RPS25: variants seen among roughly 807,000 people sequenced by gnomAD.
The protein encoded by RPS25 is small ribosomal subunit protein eS25.
Under a neutral mutation model 14.4 loss-of-function variants are expected in RPS25, and 1 was observed. That is an observed-to-expected ratio of 0.07 (90% CI 0.02 to 0.33). RPS25 has a LOEUF of 0.33. Ranked by LOEUF, RPS25 falls within the 10% of genes least tolerant of loss-of-function variation. The probability of loss-of-function intolerance (pLI) is 1.00; values close to 1 mark genes in which losing one functional copy is unlikely to be tolerated. For synonymous variants in RPS25, 63 were observed against 53.8 expected (o/e 1.17, Z -0.75); for missense variants, 65 against 144.6 (o/e 0.45, Z 2.82).
Position 119,017,907 on chromosome 11 carries a change from G to A in RPS25, c.99+51C>T, listed in dbSNP as rs138643668. 6.2e-4 allele frequency: 880 copies of A among 1,416,662 alleles called. 5 individuals are homozygous for A. In the African/African-American group the frequency reaches 9.4e-3, roughly 15 times the overall value. 87.8% of individuals were successfully genotyped at this position (1,416,662 alleles called of 1,614,324 possible). ...ACTATACAAGTTACCTATTACTAGA[G>A]GATTACGAGAGAGTTACCCCTAGTC... is the stretch of plus-strand genomic sequence containing the variant. On this transcript the variant is annotated intron_variant, in intron 2 of 4. Transcript: ENST00000527673.
At chr11:119,016,951 T>C (rs1188910965) in intron 3 of RPS25, among the ~76,000 whole-genome samples, 2 of 152,234 alleles carry the variant, frequency 1.3e-5, no homozygotes, top group Admixed American at 1.3e-4. Flanking sequence ...ATTATGGTAA[T>C]CAGACCATAC....
At position 119,018,343 on chromosome 11, in the gene RPS25, G is replaced by A. The variant is rs552955250; in HGVS notation, c.-59C>T. The A allele has an allele frequency of 1.4e-4, 229 of 1,613,162 alleles. No homozygotes were observed. The Middle Eastern group carries it at 5.0e-3, about 35-fold the overall frequency. ...GCCTCGTCAAGATGTCGGACAAAAAGGAAGCGCTGCTCAGAAACGGGCCCA... is the reference window on the plus strand; with the variant it reads ...GCCTCGTCAAGATGTCGGACAAAAAAGAAGCGCTGCTCAGAAACGGGCCCA... On this transcript the variant is annotated 5_prime_UTR_variant, in exon 1 of 5. Coordinates refer to ENST00000527673, the MANE Select transcript of RPS25 (RefSeq NM_001028.3).
rs191267539 is a variant in RPS25, at chr11:119,015,959, C to G, written c.284-20G>C. 7.1e-7 allele frequency: 1 copy of G among 1,405,340 alleles called. No individual in the cohort carries two copies. The highest frequency in any genetic ancestry group is 1.0e-6 in the Non-Finnish European group (1 of 990,506). 87.1% of individuals were successfully genotyped at this position (1,405,340 alleles called of 1,614,324 possible). ...TAAGTCCTAGGGGGAGAGAATAGCA[C>G]GATGAGATGCTTAACAGATGCTACA... On this transcript the variant is annotated intron_variant, in intron 3 of 4. Coordinates refer to ENST00000527673, the MANE Select transcript of RPS25 (RefSeq NM_001028.3).
chr11:119,018,295 G>A lies in RPS25; in HGVS notation c.-11C>T, dbSNP rs942142390. On this transcript the variant is annotated 5_prime_UTR_variant, in exon 1 of 5. Coordinates refer to ENST00000527673, the MANE Select transcript of RPS25 (RefSeq NM_001028.3). Reference sequence around the variant, plus strand: ...CCTGAAGCTTACCATTGCGAAGCTCGGAGAATAGCAGCAGACACCGCAGCC... The same window carrying A: ...CCTGAAGCTTACCATTGCGAAGCTCAGAGAATAGCAGCAGACACCGCAGCC... The A allele has an allele frequency of 9.3e-6, 15 of 1,614,008 alleles. No homozygotes were observed. The highest frequency in any genetic ancestry group is 8.0e-5 in the African/African-American group (6 of 74,926).
chr11:119,018,190 G>T (rs1252480480), intron 1 of RPS25, 92 bp downstream of exon 1: 1 of 1,598,378 alleles, frequency 6.3e-7, no homozygotes, highest in East Asian at 2.2e-5. Context: ...TGCAACCGAG[G>T]CCGGCAGGCC....
In RPS25 at chr11:119,017,419, T is replaced by G; in HGVS notation, c.226A>C (p.Arg76=). The change falls in exon 3 of 5, where the codon AGA becomes CGA. Residue 76 remains arginine (R), a synonymous_variant. Coordinates refer to ENST00000527673, the MANE Select transcript of RPS25 (RefSeq NM_001028.3). ...KLITPAVVSE[R]LKIRGSLARA... ...GCCAGGGAGCCTCGAATCTTCAGTC[T>G]CTCAGAGACCACAGCTGGGGTTATA... 6.2e-7 allele frequency: 1 copy of G among 1,614,096 alleles called. No homozygotes were observed.
chr11:119,017,828 G>A (rs1943200363), intron 2 of RPS25, 130 bp downstream of exon 2: 1 of 773,304 alleles, frequency 1.3e-6, no homozygotes, highest in Non-Finnish European at 2.2e-6. Context: ...AGTGGTGACG[G>A]GAAGATAAAC....
chr11:119,017,926 C>CCTAG, intron 2 of RPS25, 32 bp downstream of exon 2: 2 of 1,533,084 alleles, frequency 1.3e-6, no homozygotes, highest in Non-Finnish European at 1.8e-6. Flanking sequence ...GAGAGTTACC[C>CCTAG]CTAGTCTCTT....
In RPS25 at chr11:119,015,762, TA is replaced by T. The variant is rs900768911; in HGVS notation, c.*5-5del. 3.7e-4 allele frequency: 473 copies of T among 1,263,278 alleles called. No homozygotes were observed. The highest frequency in any genetic ancestry group is 4.4e-4 in the Non-Finnish European group (389 of 880,028). 78.3% of individuals were successfully genotyped at this position (1,263,278 alleles called of 1,614,324 possible). A position where few individuals can be genotyped will look rare whatever the true frequency, so the allele number is the denominator to read the frequency against. On this transcript the variant is annotated splice_polypyrimidine_tract_variant and splice_region_variant and intron_variant, in intron 4 of 4. Transcript: ENST00000527673. ...CCAAATGTACAGCTGGTTGGACCTG[TA>T]AAAAAAAATTAAAAGAATCAGAACC...
rs1943139720 is a variant in RPS25, at chr11:119,015,761, G to GT, written c.*5-4dup. 1.6e-6 allele frequency: 2 copies of GT among 1,283,532 alleles called. No homozygotes were observed. Among genetic ancestry groups the GT allele is most frequent in the Admixed American group, 3.9e-5 (2 of 51,694 alleles). 79.5% of individuals were successfully genotyped at this position (1,283,532 alleles called of 1,614,324 possible). A position where few individuals can be genotyped will look rare whatever the true frequency, so the allele number is the denominator to read the frequency against. ...TCCAAATGTACAGCTGGTTGGACCT[G>GT]TAAAAAAAAATTAAAAGAATCAGAA... On this transcript the variant is annotated splice_polypyrimidine_tract_variant and splice_region_variant and intron_variant, in intron 4 of 4. Coordinates refer to ENST00000527673, the MANE Select transcript of RPS25 (RefSeq NM_001028.3).
chr11:119,017,992 G>T lies in RPS25; in HGVS notation c.65C>A (p.Pro22Gln). 1 of 1,612,372 alleles carries T rather than the reference G, an allele frequency of 6.2e-7. No individual in the cohort carries two copies. Among genetic ancestry groups the T allele is most frequent in the East Asian group, 2.2e-5 (1 of 44,888 alleles). ...AGKSAKKDKD[P>Q]VNKSGGKAKK... ...GGCCTTGCCCCCGGATTTGTTCACT[G>T]GGTCTTTGTCTTTCTTGGCCGACTT... Residue 22 changes from proline (P) to glutamine (Q), a missense_variant, in exon 2 of 5, where the codon CCA (proline) becomes CAA (glutamine). Transcript: ENST00000527673.
At chr11:119,018,102 G>C (rs1464251247) in intron 1 of RPS25, 49 bp from the exon 2 acceptor site, 3 of 1,586,888 alleles carry the variant, frequency 1.9e-6, no homozygotes, top group Non-Finnish European at 2.6e-6. Flanking sequence ...TAGCGCCAAA[G>C]TCCCCTAATA....
chr11:119,018,057 T>C lies in RPS25; in HGVS notation c.4-4A>G, dbSNP rs781952708. On this transcript the variant is annotated splice_polypyrimidine_tract_variant and splice_region_variant and intron_variant, in intron 1 of 4. Coordinates refer to ENST00000527673, the MANE Select transcript of RPS25 (RefSeq NM_001028.3). The stretch of plus-strand genomic sequence containing the variant: ...TCTTCTTGTCGTCCTTAGGCGGCTG[T>C]AGGAGGGCAGCGGGAATGCAACCAG... 1.9e-5 allele frequency: 31 copies of C among 1,612,176 alleles called. No homozygotes were observed. The highest frequency in any genetic ancestry group is 2.5e-5 in the Non-Finnish European group (29 of 1,179,936).
chr11:119,016,023 C>T lies in RPS25; in HGVS notation c.284-84G>A, dbSNP rs1046192696. The T allele has an allele frequency of 4.8e-6, 4 of 830,440 alleles. No individual in the cohort carries two copies. In the African/African-American group the frequency reaches 5.0e-5, roughly 10 times the overall value. 51.4% of individuals were successfully genotyped at this position (830,440 alleles called of 1,614,324 possible). A position where few individuals can be genotyped will look rare whatever the true frequency, so the allele number is the denominator to read the frequency against. ...AGGTTTTTGGCTGGGCGCGGTGGCT[C>T]ATGCTTATAATCCCACTGCTTTGGG... On this transcript the variant is annotated intron_variant, in intron 3 of 4. Transcript: ENST00000527673.
chr11:119,018,278 T>A lies in RPS25; in HGVS notation c.3+4A>T. The A allele has an allele frequency of 6.2e-7, 1 of 1,614,064 alleles. No individual in the cohort carries two copies. On this transcript the variant is annotated splice_donor_region_variant and intron_variant, in intron 1 of 4. Coordinates refer to ENST00000527673, the MANE Select transcript of RPS25 (RefSeq NM_001028.3). The stretch of plus-strand genomic sequence containing the variant: ...GCCGGCGACTTCACACCCCTGAAGC[T>A]TACCATTGCGAAGCTCGGAGAATAG...
At chr11:119,018,229 C>A in intron 1 of RPS25, 53 bp downstream of exon 1, 1 of 1,613,718 alleles carries the variant, frequency 6.2e-7, no homozygotes, top group Non-Finnish European at 8.5e-7. Flanking sequence ...AGGCTCTCCC[C>A]ACTGAGTCCT....
At chr11:119,016,352 T>C (rs1943155729) in intron 3 of RPS25, among the ~76,000 whole-genome samples, 1 of 152,076 alleles carries the variant, frequency 6.6e-6, no homozygotes, top group East Asian at 1.9e-4. Flanking sequence ...GTGGATCTCT[T>C]GAGCCCAGGA....
rs376242307 is a variant in RPS25 at position 119,018,011 on chromosome 11, C to T, written c.46G>A (p.Ala16Thr). 6.2e-7 allele frequency: 1 copy of T among 1,612,310 alleles called. No individual in the cohort carries two copies. The highest frequency in any genetic ancestry group is 8.5e-7 in the Non-Finnish European group (1 of 1,179,996). ...DKKKKDAGKS[A>T]KKDKDPVNKS... is the part of the protein sequence containing the mutation. ...TTCACTGGGTCTTTGTCTTTCTTGG[C>T]CGACTTTCCAGCGTCCTTCTTCTTC... The change falls in exon 2 of 5, where the codon GCC becomes ACC. Residue 16 changes from alanine (A) to threonine (T), a missense_variant. Physicochemically the swap from Ala to Thr is moderately conservative, Grantham distance 58. Transcript: ENST00000527673.
chr11:119,016,001 T>G, intron 3 of RPS25, 62 bp from the exon 4 acceptor site: 1 of 1,092,574 alleles, frequency 9.2e-7, no homozygotes, highest in Non-Finnish European at 1.4e-6. Flanking sequence ...ACTAGTAAGG[T>G]TTTTGGCTGG....
Sources: gnomAD v4.1 joint callset for allele counts (sites outside exome capture counted in the v4.1 genomes callset) on GRCh38, gnomAD v4.1.1 for gene constraint, MANE v1.5 for transcripts, NCBI Gene and HGNC (gene_info 2026-07-23, HGNC 2026-07-21) for gene names.